Variants in ERC2 observed in about 807,000 individuals in gnomAD.
ERC2 encodes ERC protein 2.
Under a neutral mutation model 114.8 loss-of-function variants are expected in ERC2, and 42 were observed. The observed-to-expected ratio is 0.37, with a 90% CI of 0.29 to 0.47. The LOEUF (loss-of-function observed/expected upper bound fraction) is 0.47, where lower values mean the gene tolerates loss of function less well. Among genes scored for constraint, ERC2 ranks in the 20% least tolerant of loss-of-function variants. ERC2 has a pLI of 0.99. For missense variants in ERC2, 939 were observed against 1,150.7 expected (o/e 0.82, Z 2.66); for synonymous variants, 454 against 425.5 (o/e 1.07, Z -0.82).
intron 13 of ERC2, among the ~76,000 whole-genome samples, chr3:55,904,042 T>G (rs2064289927): frequency 6.6e-6 from 1 of 152,204 alleles, no homozygotes; most frequent in African/African-American, 2.4e-5. Flanking sequence ...TAATCCATAA[T>G]CCTGTTTCGT....
intron 9 of ERC2, among the ~76,000 whole-genome samples, chr3:56,010,004 A>G (rs2149569958): frequency 6.6e-6 from 1 of 152,312 alleles, no homozygotes; most frequent in South Asian, 2.1e-4. Context: ...TCCTAATCTG[A>G]GAGTATTGGG....
intron 6 of ERC2, among the ~76,000 whole-genome samples, chr3:56,117,510 C>A (rs1241733313): frequency 6.6e-6 from 1 of 152,166 alleles, no homozygotes; most frequent in African/African-American, 2.4e-5. Context: ...GAGCGCTTGG[C>A]CCCAAAGAAC....
intron 7 of ERC2, among the ~76,000 whole-genome samples, chr3:56,033,999 G>A (rs766640398): frequency 2.6e-5 from 4 of 151,960 alleles, no homozygotes; most frequent in Non-Finnish European, 4.4e-5. Flanking sequence ...TACTTTAAAT[G>A]TAAATAAATT....
chr3:56,014,124 A>C (rs1463216720), intron 8 of ERC2, among the ~76,000 whole-genome samples: 1 of 152,198 alleles, frequency 6.6e-6, no homozygotes, highest in Non-Finnish European at 1.5e-5. Context: ...AACAGATGCA[A>C]ACAGAGTTTG....
chr3:56,040,338 C>T (rs973942631), intron 7 of ERC2, among the ~76,000 whole-genome samples: 2 of 151,198 alleles, frequency 1.3e-5, no homozygotes, highest in Non-Finnish European at 1.5e-5. Flanking sequence ...CACTTTATTT[C>T]CTTTCTGCTT....
At chr3:56,148,632 GACA>G (rs1187395737) in intron 5 of ERC2, among the ~76,000 whole-genome samples, 1 of 152,122 alleles carries the variant, frequency 6.6e-6, no homozygotes, top group Non-Finnish European at 1.5e-5. Context: ...CAAGAAATTT[GACA>G]ACGATAGCAA....
chr3:56,110,981 T>A (rs1317492149), intron 6 of ERC2, among the ~76,000 whole-genome samples: 1 of 152,126 alleles, frequency 6.6e-6, no homozygotes, highest in Admixed American at 6.6e-5. Context: ...GCCTGATCAC[T>A]GTCTCCCAGA....
At chr3:55,991,622 C>T (rs945739881) in intron 11 of ERC2, among the ~76,000 whole-genome samples, 7 of 152,270 alleles carry the variant, frequency 4.6e-5, no homozygotes, top group Admixed American at 3.3e-4. Flanking sequence ...TTCCTTCTTC[C>T]GCTATCTTGA....
At chr3:55,549,929 CAAGAGA>C (rs1280312236) in intron 17 of ERC2, among the ~76,000 whole-genome samples, 789 of 68,788 alleles carry the variant, frequency 0.011, 10 homozygotes, top group African/African-American at 0.032. Flanking sequence ...CCGACACACA[CAAGAGA>C]GAGAGAGAGA....
intron 6 of ERC2, among the ~76,000 whole-genome samples, chr3:56,117,324 T>C (rs1337832160): frequency 6.6e-6 from 1 of 152,366 alleles, no homozygotes; most frequent in East Asian, 1.9e-4. Flanking sequence ...TTCTCACTTA[T>C]CTGGTAATAT....
chr3:55,967,330 T>A (rs763744901), intron 12 of ERC2, among the ~76,000 whole-genome samples: 1 of 152,176 alleles, frequency 6.6e-6, no homozygotes, highest in African/African-American at 2.4e-5. Context: ...ATTAGATGAA[T>A]ATGAAAAATA....
At chr3:55,710,793 T>C (rs910319394) in intron 15 of ERC2, among the ~76,000 whole-genome samples, 4 of 152,178 alleles carry the variant, frequency 2.6e-5, no homozygotes, top group Admixed American at 6.5e-5. Flanking sequence ...CCCCTACAAA[T>C]AAGGACTTGC....
Position 55,560,781 on chromosome 3 carries a change from G to A in ERC2, c.*40-49505C>T, listed in dbSNP as rs571982223. Reference sequence around the variant, plus strand: ...AAGAGGTAACTGGATACATTTCAGCGAAGAATGAGAAAAATCTGTCATTTA... The same window carrying A: ...AAGAGGTAACTGGATACATTTCAGCAAAGAATGAGAAAAATCTGTCATTTA... On this transcript the variant is annotated intron_variant, in intron 17 of 17. Coordinates refer to ENST00000288221, the MANE Select transcript of ERC2 (RefSeq NM_015576.3). 4.6e-5 allele frequency among the ~76,000 whole-genome samples: 7 copies of A among 152,294 alleles called. No homozygotes were observed. The South Asian group carries it at 1.2e-3, about 27-fold the overall frequency.
chr3:55,576,097 G>A (rs1009886797), intron 17 of ERC2, among the ~76,000 whole-genome samples: 1 of 152,082 alleles, frequency 6.6e-6, no homozygotes, highest in Non-Finnish European at 1.5e-5. Flanking sequence ...GATCACCTGA[G>A]GTCAAGAGTT....
intron 4 of ERC2, among the ~76,000 whole-genome samples, chr3:56,155,696 G>C (rs1374242829): frequency 6.6e-6 from 1 of 152,026 alleles, no homozygotes; most frequent in Non-Finnish European, 1.5e-5. Context: ...CCTAACGTGG[G>C]GTTTGGAGAT....
chr3:55,678,395 T>G (rs551512080), intron 17 of ERC2, among the ~76,000 whole-genome samples: 10 of 152,332 alleles, frequency 6.6e-5, no homozygotes, highest in African/African-American at 2.4e-4. Flanking sequence ...CCTGGAGATC[T>G]CAGGGGGAAC....
At chr3:55,708,155 A>C (rs2063585814) in intron 15 of ERC2, among the ~76,000 whole-genome samples, 1 of 152,194 alleles carries the variant, frequency 6.6e-6, no homozygotes, top group Non-Finnish European at 1.5e-5. Context: ...GACACATTAG[A>C]AAATCTTAAT....
rs531655877 is a variant in ERC2 at position 55,687,483 on chromosome 3, T to C, written c.2848-3624A>G. Among the ~76,000 whole-genome samples the C allele has an allele frequency of 6.6e-5, 10 of 152,280 alleles. No homozygotes were observed. In the South Asian group the frequency reaches 2.1e-3, roughly 32 times the overall value. ...CTAATGGGGATCTTACTGTCACTCC[T>C]GTCCTAGAAAGGAAAGCAAGTAGAA... On this transcript the variant is annotated intron_variant, in intron 16 of 17. Transcript: ENST00000288221.
intron 2 of ERC2, among the ~76,000 whole-genome samples, chr3:56,335,316 C>T (rs2150472205): frequency 6.6e-6 from 1 of 152,278 alleles, no homozygotes; most frequent in African/African-American, 2.4e-5. Flanking sequence ...TCCTACCTTT[C>T]CTCAAGTTAG....
Sources: gnomAD v4.1 joint callset for allele counts (sites outside exome capture counted in the v4.1 genomes callset) on GRCh38, gnomAD v4.1.1 for gene constraint, MANE v1.5 for transcripts, NCBI Gene and HGNC (gene_info 2026-07-23, HGNC 2026-07-21) for gene names.